Variants in CFI observed in about 807,000 individuals in gnomAD.
The protein encoded by CFI is complement factor I.
In CFI, 66 loss-of-function variants were observed where a neutral mutation model predicts 78.8. The observed-to-expected ratio is 0.84, with a 90% confidence interval of 0.69 to 1.03. The LOEUF (loss-of-function observed/expected upper bound fraction) is 1.03. CFI is among the 50% of genes least tolerant of loss of function. CFI has a pLI of 0.00. For missense variants in CFI, 706 were observed against 704.5 expected (o/e 1.00, Z -0.02); for synonymous variants, 250 against 232.6 (o/e 1.07, Z -0.68).
intron 3 of CFI, 193 bp downstream of exon 3, chr4:109,764,344 C>T: frequency 1.5e-6 from 1 of 648,572 alleles, no homozygotes; most frequent in Non-Finnish European, 2.7e-6. Flanking sequence ...ATTATCCATG[C>T]TTTGTTGTCA....
At chr4:109,755,014 T>A (rs1462396428) in intron 7 of CFI, among the ~76,000 whole-genome samples, 3 of 152,212 alleles carry the variant, frequency 2.0e-5, no homozygotes, top group African/African-American at 7.2e-5. Context: ...TGGAAGAAGG[T>A]ATCTGTAATG....
Position 109,749,233 on chromosome 4 carries a change from G to A in CFI, c.1133C>T (p.Ala378Val), listed in dbSNP as rs759023625. 3 of 1,613,918 alleles carry A rather than the reference G, an allele frequency of 1.9e-6. No individual in the cohort carries two copies. Among genetic ancestry groups the A allele is most frequent in the Non-Finnish European group, 1.7e-6 (2 of 1,179,768 alleles). The stretch of plus-strand genomic sequence containing the variant: ...CATCTTTTACCTGAGACAATGTGCA[G>A]CAGTCAGAATCCAACAGCCACCAAT... ...IYIGGCWILT[A>V]AHCLRASKTH... Residue 378 changes from alanine (A) to valine (V), a missense_variant, in exon 10 of 13, where the codon GCT becomes GTT. Coordinates refer to ENST00000394634, the MANE Select transcript of CFI (RefSeq NM_000204.5).
At chr4:109,733,815 C>T in the CFI span, among the ~76,000 whole-genome samples, 1 of 152,138 alleles carries the variant, frequency 6.6e-6, no homozygotes, top group Non-Finnish European at 1.5e-5. Flanking sequence ...TCTGAGTCTG[C>T]AGTTCAGCAT....
the CFI span, among the ~76,000 whole-genome samples, chr4:109,735,683 T>G: frequency 6.6e-6 from 1 of 152,330 alleles, no homozygotes; most frequent in South Asian, 2.1e-4. Context: ...CCATAATGAT[T>G]AATCTATGGC....
At chr4:109,767,334 G>A (rs899459250) in intron 1 of CFI, among the ~76,000 whole-genome samples, 224 of 152,088 alleles carry the variant, frequency 1.5e-3, no homozygotes, top group African/African-American at 5.1e-3. Context: ...CACCATCAGA[G>A]TGAATAGGCA....
At chr4:109,752,547 T>C (rs893217355) in intron 7 of CFI, 44 bp from the exon 8 acceptor site, 1 of 1,511,810 alleles carries the variant, frequency 6.6e-7, no homozygotes, top group Non-Finnish European at 9.2e-7. Flanking sequence ...TTGTTAATTA[T>C]AGTCAAAATG....
intron 2 of CFI, 131 bp from the exon 3 acceptor site, chr4:109,764,821 A>G: frequency 1.2e-6 from 1 of 812,408 alleles, no homozygotes; most frequent in Non-Finnish European, 2.0e-6. Flanking sequence ...TTAACAAGTA[A>G]TAGTAAGCAA....
At chr4:109,792,906 C>G (rs1731563153) in intron 1 of CFI, among the ~76,000 whole-genome samples, 1 of 152,150 alleles carries the variant, frequency 6.6e-6, no homozygotes, top group African/African-American at 2.4e-5. Context: ...TTTTAAAAAA[C>G]TGATTCTGCC....
chr4:109,757,961 T>TAAAACAA, intron 6 of CFI, 178 bp from the exon 7 acceptor site: 1 of 1,460,976 alleles, frequency 6.8e-7, no homozygotes, highest in Non-Finnish European at 9.1e-7. Flanking sequence ...GTCTAGCTGC[T>TAAAACAA]AAAACAAAAA....
At position 109,768,845 on chromosome 4, in the gene CFI, A is replaced by G. The variant is rs540355536; in HGVS notation, c.58-2021T>C. ...CATGCAAAACCTTGCAAGGATTGTC[A>G]AAGTCATTCTCCATAATTTGCTTTT... On this transcript the variant is annotated intron_variant, in intron 1 of 12. Transcript: ENST00000394634. Among the ~76,000 whole-genome samples, 30 of 152,302 alleles carry G rather than the reference A, an allele frequency of 2.0e-4. 1 individual carries two copies. In the South Asian group the frequency reaches 6.2e-3, roughly 32 times the overall value.
In CFI at chr4:109,766,535, A is replaced by G. The variant is rs1255719712; in HGVS notation, c.328+19T>C. ...CCCTTTTATATCATAGAATGACTTGAAAACTAGTCTCTTGCTACCTTCGGC... is the reference window on the plus strand; with the variant it reads ...CCCTTTTATATCATAGAATGACTTGGAAACTAGTCTCTTGCTACCTTCGGC... On this transcript the variant is annotated intron_variant, in intron 2 of 12. Transcript: ENST00000394634. The G allele has an allele frequency of 6.2e-7, 1 of 1,613,740 alleles. No individual in the cohort carries two copies. Among genetic ancestry groups the G allele is most frequent in the South Asian group, 1.1e-5 (1 of 91,062 alleles).
chr4:109,740,929 A>T lies in CFI; in HGVS notation c.1716T>A (p.His572Gln). The T allele has an allele frequency of 6.2e-7, 1 of 1,614,146 alleles. No individual in the cohort carries two copies. Among genetic ancestry groups the T allele is most frequent in the Non-Finnish European group, 8.5e-7 (1 of 1,179,990 alleles). Residue 572 changes from histidine to glutamine, a missense_variant, in exon 13 of 13, where the codon CAT becomes CAA. His to Gln is a conservative substitution (Grantham distance 24). Coordinates refer to ENST00000394634, the MANE Select transcript of CFI (RefSeq NM_000204.5). ...VANYFDWISY[H>Q]VGRPFISQYN... ...ACTGAGAAATAAAAGGCCTTCCTACATGGTAGCTAATCCAGTCAAAATAAT... is the reference window on the plus strand; with the variant it reads ...ACTGAGAAATAAAAGGCCTTCCTACTTGGTAGCTAATCCAGTCAAAATAAT...
chr4:109,741,525 C>T (rs1723791691), intron 12 of CFI: 1 of 214,300 alleles, frequency 4.7e-6, no homozygotes, highest in African/African-American at 2.4e-5. Context: ...CTATTTTATA[C>T]ATAAGACAAC....
At chr4:109,787,002 A>G (rs1478578747) in intron 1 of CFI, among the ~76,000 whole-genome samples, 1 of 152,066 alleles carries the variant, frequency 6.6e-6, no homozygotes, top group Non-Finnish European at 1.5e-5. Flanking sequence ...TTCTCTGAAT[A>G]GCTAGGAGAA....
rs769721080 is a variant in CFI at position 109,761,612 on chromosome 4, C to A, written c.563G>T (p.Gly188Val). The A allele has an allele frequency of 1.2e-6, 2 of 1,613,874 alleles. No homozygotes were observed. Among genetic ancestry groups the A allele is most frequent in the Non-Finnish European group, 8.5e-7 (1 of 1,179,794 alleles). ...STECLHVHCR[G>V]LETSLAECTF... ...ACATTCAGCCAAACTGGTCTCTAAT[C>A]CTCGGCAATGCACATGTAGACATTC... The change falls in exon 4 of 13, where the codon GGA (glycine) becomes GTA (valine). Residue 188 changes from glycine (G) to valine (V), a missense_variant. Coordinates refer to ENST00000394634, the MANE Select transcript of CFI (RefSeq NM_000204.5).
intron 1 of CFI, among the ~76,000 whole-genome samples, chr4:109,773,510 G>A (rs568610584): frequency 2.0e-4 from 31 of 152,214 alleles, no homozygotes; most frequent in East Asian, 1.9e-3. Context: ...GTAAGATTCC[G>A]TCTCAAAAAC....
At chr4:109,764,298 A>G (rs1163764729) in intron 3 of CFI, 4 of 559,644 alleles carry the variant, frequency 7.1e-6, no homozygotes, top group Non-Finnish European at 1.3e-5. Flanking sequence ...TCTCAGAATC[A>G]CTAAAGGATT....
chr4:109,790,291 T>C (rs1439584660), intron 1 of CFI, among the ~76,000 whole-genome samples: 1 of 152,086 alleles, frequency 6.6e-6, no homozygotes, highest in Non-Finnish European at 1.5e-5. Context: ...TGTCTTACTA[T>C]ATATTTTTTG....
intron 1 of CFI, among the ~76,000 whole-genome samples, chr4:109,775,939 G>A (rs967393752): frequency 4.6e-5 from 7 of 152,138 alleles, no homozygotes; most frequent in African/African-American, 1.7e-4. Flanking sequence ...CTGTTAGAAG[G>A]AAAACTAACA....
Sources: allele counts gnomAD v4.1 joint callset (sites outside exome capture counted in the v4.1 genomes callset), GRCh38; gene constraint gnomAD v4.1.1; transcripts MANE v1.5; gene names NCBI Gene and HGNC (gene_info 2026-07-23, HGNC 2026-07-21).